The following SRGAP2 variants were observed in gnomAD, a reference collection of about 807,000 sequenced individuals.
SRGAP2 encodes the protein SLIT-ROBO Rho GTPase-activating protein 2.
SRGAP2 carries 15 observed loss-of-function variants against 57.2 expected under a neutral mutation model. That is an observed-to-expected ratio of 0.26 (90% CI 0.18 to 0.40). SRGAP2 has a LOEUF of 0.40. SRGAP2 is among the 10% of genes least tolerant of loss of function. The pLI, the probability that SRGAP2 is intolerant of heterozygous loss-of-function variation, is 1.00. For missense variants in SRGAP2, 520 were observed against 669.6 expected (o/e 0.78, Z 2.47); for synonymous variants, 249 against 248.0 (o/e 1.00, Z -0.04).
At chr1:206,459,754 G>A (rs1175017929) in intron 22 of SRGAP2, among the ~76,000 whole-genome samples, 1 of 152,178 alleles carries the variant, frequency 6.6e-6, no homozygotes, top group Non-Finnish European at 1.5e-5. Context: ...CTTCCAGGGG[G>A]TGATAGAGGC....
intron 17 of SRGAP2, among the ~76,000 whole-genome samples, chr1:206,440,666 G>A (rs1386288385): frequency 6.6e-6 from 1 of 151,892 alleles, no homozygotes; most frequent in Non-Finnish European, 1.5e-5. Context: ...TCCTGCCTCA[G>A]CCTCCTGAGT....
At chr1:206,416,321 A>T (rs17007890) in intron 11 of SRGAP2, among the ~76,000 whole-genome samples, 6,616 of 152,246 alleles carry the variant, frequency 0.043, 291 homozygotes, top group African/African-American at 0.11. Context: ...AGCTCCTCTG[A>T]GGCAGCACTG....
intron 19 of SRGAP2, among the ~76,000 whole-genome samples, chr1:206,452,742 TG>T (rs1663430598): frequency 6.6e-6 from 1 of 151,762 alleles, no homozygotes; most frequent in South Asian, 2.1e-4. Flanking sequence ...AAAAATTAGC[TG>T]GGCGTGGTGG....
In SRGAP2 at chr1:206,318,831, A is replaced by C. The variant is rs530928738; in HGVS notation, c.260+15358A>C. Among the ~76,000 whole-genome samples the C allele has an allele frequency of 1.9e-3, 287 of 152,036 alleles. 2 individuals are homozygous for C. Among genetic ancestry groups the C allele is most frequent in the African/African-American group, 6.4e-3 (265 of 41,344 alleles). ...CCACAGAGATGGTGCTAAACCATTCATGAAGGATCTACCCCCATGACCCAG... is the reference window on the plus strand; with the variant it reads ...CCACAGAGATGGTGCTAAACCATTCCTGAAGGATCTACCCCCATGACCCAG... On this transcript the variant is annotated intron_variant, in intron 3 of 22. Transcript: ENST00000573034.
intron 10 of SRGAP2, 102 bp from the exon 11 acceptor site, chr1:206,415,787 C>T (rs1572094910): frequency 7.2e-6 from 5 of 697,870 alleles, no homozygotes; most frequent in Non-Finnish European, 1.3e-5. Context: ...GGGTCAGAAA[C>T]CAAATGACCT....
rs1571801430 is a variant in SRGAP2, at chr1:206,304,555, A to G, written c.260+1082A>G. On this transcript the variant is annotated intron_variant, in intron 3 of 22. Coordinates refer to ENST00000573034, the MANE Select transcript of SRGAP2 (RefSeq NM_015326.5). ...ATTTTAAGAAAGTTTACAAATTTCC[A>G]TTGGGCTGCATTCAAAGCCATCCTG... 2.0e-5 allele frequency among the ~76,000 whole-genome samples: 3 copies of G among 152,356 alleles called. No homozygotes were observed. The East Asian group carries it at 5.8e-4, about 29-fold the overall frequency.
intron 3 of SRGAP2, among the ~76,000 whole-genome samples, chr1:206,326,701 T>C (rs1204367029): frequency 1.3e-5 from 2 of 152,250 alleles, no homozygotes; most frequent in African/African-American, 4.8e-5. Flanking sequence ...CTCTAGACCA[T>C]CTTGAAAGTC....
intron 17 of SRGAP2, among the ~76,000 whole-genome samples, chr1:206,441,112 C>G (rs1004365359): frequency 2.6e-5 from 4 of 152,146 alleles, no homozygotes; most frequent in African/African-American, 9.7e-5. Flanking sequence ...GCATGAGCGA[C>G]AGGGACATAG....
At position 206,254,768 on chromosome 1, in the gene SRGAP2, G is replaced by A. The variant is rs555860289; in HGVS notation, c.68-48513G>A. On this transcript the variant is annotated intron_variant, in intron 2 of 22. Transcript: ENST00000573034. ...TACTTTTGTGAACCTCCTCTCCTGC[G>A]ATTACAGCCTGCACCCCTGCTTATA... 3.4e-3 allele frequency among the ~76,000 whole-genome samples: 511 copies of A among 151,342 alleles called. 1 individual carries two copies. Among genetic ancestry groups the A allele is most frequent in the African/African-American group, 0.012 (481 of 41,164 alleles).
chr1:206,304,644 A>G (rs1278449076), intron 3 of SRGAP2, among the ~76,000 whole-genome samples: 3 of 150,256 alleles, frequency 2.0e-5, no homozygotes, highest in Admixed American at 1.3e-4. Flanking sequence ...CTCCATTCCA[A>G]TCTGCCTGCT....
At chr1:206,421,028 G>A (rs782481289) in intron 12 of SRGAP2, among the ~76,000 whole-genome samples, 9 of 152,224 alleles carry the variant, frequency 5.9e-5, no homozygotes, top group East Asian at 5.8e-4. Context: ...AAGAGCTTTC[G>A]TAGGCTTTAT....
chr1:206,458,010 G>A (rs1172341500), intron 21 of SRGAP2, among the ~76,000 whole-genome samples: 1 of 152,234 alleles, frequency 6.6e-6, no homozygotes, highest in Non-Finnish European at 1.5e-5. Context: ...TCAGCCCAGT[G>A]CTGGGTGACT....
At chr1:206,240,481 G>A (rs1158038141) in intron 2 of SRGAP2, among the ~76,000 whole-genome samples, 3 of 152,076 alleles carry the variant, frequency 2.0e-5, no homozygotes, top group East Asian at 1.9e-4. Flanking sequence ...AAATGCTAGC[G>A]TCCTAGCCAT....
intron 2 of SRGAP2, among the ~76,000 whole-genome samples, chr1:206,229,931 T>TACACACACACACACACACAC (rs66901207): frequency 5.6e-5 from 8 of 141,758 alleles, no homozygotes; most frequent in African/African-American, 2.1e-4. Flanking sequence ...TACACATACA[T>TACACACACACACACACACAC]ACACACACAC....
chr1:206,451,964 C>G (rs1303702187), intron 19 of SRGAP2, among the ~76,000 whole-genome samples: 2 of 152,218 alleles, frequency 1.3e-5, no homozygotes, highest in East Asian at 3.8e-4. Context: ...AGCAGCCTTT[C>G]TCTCTGCTTC....
chr1:206,448,963 C>T (rs1300496038), intron 18 of SRGAP2, among the ~76,000 whole-genome samples: 1 of 152,148 alleles, frequency 6.6e-6, no homozygotes, highest in African/African-American at 2.4e-5. Context: ...ACTGGTCACC[C>T]AGTCTTTGAG....
chr1:206,254,229 G>T (rs1553311745), intron 2 of SRGAP2, among the ~76,000 whole-genome samples: 1 of 93,556 alleles, frequency 1.1e-5, no homozygotes, highest in Non-Finnish European at 1.9e-5. Context: ...ATATGGGAAA[G>T]AAATATAATG....
In SRGAP2 at chr1:206,353,165, T is replaced by A. The variant is rs373818905; in HGVS notation, c.423+10157T>A. On this transcript the variant is annotated intron_variant, in intron 4 of 22. Transcript: ENST00000573034. Reference sequence around the variant, plus strand: ...GTAGAAATTGTAGGAAAAATATCAATTTTTTCCTCAATTTGAGAAAAATTT... The same window carrying A: ...GTAGAAATTGTAGGAAAAATATCAAATTTTTCCTCAATTTGAGAAAAATTT... Among the ~76,000 whole-genome samples, 5 of 152,288 alleles carry A rather than the reference T, an allele frequency of 3.3e-5. No individual in the cohort carries two copies. In the South Asian group the frequency reaches 6.2e-4, roughly 19 times the overall value.
chr1:206,327,449 C>G lies in SRGAP2; in HGVS notation c.261-15397C>G, dbSNP rs1257637346. On this transcript the variant is annotated intron_variant, in intron 3 of 22. Transcript: ENST00000573034. ...GTCTTTTCAGACATGATTCTAGTCACTTTGTTTTGTGGGTATGAATTCATT... is the reference window on the plus strand; with the variant it reads ...GTCTTTTCAGACATGATTCTAGTCAGTTTGTTTTGTGGGTATGAATTCATT... Among the ~76,000 whole-genome samples, 76 of 145,634 alleles carry G rather than the reference C, an allele frequency of 5.2e-4. 1 individual carries two copies. Among genetic ancestry groups the G allele is most frequent in the Admixed American group, 5.1e-3 (74 of 14,586 alleles).
Sources: allele counts gnomAD v4.1 joint callset (sites outside exome capture counted in the v4.1 genomes callset), GRCh38; gene constraint gnomAD v4.1.1; transcripts MANE v1.5; gene names NCBI Gene and HGNC (gene_info 2026-07-23, HGNC 2026-07-21).